Variants in ADGRL3 observed in about 807,000 individuals in gnomAD.
The protein encoded by ADGRL3 is adhesion G protein-coupled receptor L3, also known as calcium-independent alpha-latrotoxin receptor 3.
In ADGRL3, 62 loss-of-function variants were observed where a neutral mutation model predicts 153.5. The ratio of observed to expected loss-of-function variants is 0.40; its 90% CI spans 0.33 to 0.50. The LOEUF (loss-of-function observed/expected upper bound fraction) is 0.50, where lower values mean the gene tolerates loss of function less well. Ranked by LOEUF, ADGRL3 falls within the 20% of genes least tolerant of loss-of-function variation. ADGRL3 has a pLI of 0.47. For missense variants in ADGRL3, 1,641 were observed against 1,859.4 expected (o/e 0.88, Z 2.16); for synonymous variants, 710 against 672.5 (o/e 1.06, Z -0.86).
chr4:61,645,691 C>T (rs536445064), intron 5 of ADGRL3, among the ~76,000 whole-genome samples: 168 of 152,044 alleles, frequency 1.1e-3, no homozygotes, highest in African/African-American at 3.9e-3. Flanking sequence ...GAGGGTAACC[C>T]GACCTTTCTC....
intron 1 of ADGRL3, among the ~76,000 whole-genome samples, chr4:61,263,361 C>T (rs1279043489): frequency 6.6e-6 from 1 of 150,986 alleles, no homozygotes; most frequent in East Asian, 2.0e-4. Context: ...TTAGGCTATT[C>T]CTAATGGGGA....
In ADGRL3 at chr4:61,468,565, T is replaced by A. The variant is rs190622165; in HGVS notation, c.-173-28556T>A. Among the ~76,000 whole-genome samples the A allele has an allele frequency of 2.5e-3, 381 of 152,326 alleles. 2 individuals are homozygous for A. The highest frequency in any genetic ancestry group is 3.9e-3 in the Non-Finnish European group (265 of 68,026). On this transcript the variant is annotated intron_variant, in intron 2 of 26. Coordinates refer to ENST00000683033, the MANE Select transcript of ADGRL3 (RefSeq NM_001387552.1). Reference sequence around the variant, plus strand: ...TTAACCTCAAACGAGTTAAAAATTCTTTCCCTTTGTCCAAAATAATAGCAT... The same window carrying A: ...TTAACCTCAAACGAGTTAAAAATTCATTCCCTTTGTCCAAAATAATAGCAT...
intron 1 of ADGRL3, among the ~76,000 whole-genome samples, chr4:61,246,711 T>G (rs1203074641): frequency 1.3e-5 from 2 of 151,784 alleles, no homozygotes; most frequent in African/African-American, 2.4e-5. Context: ...CCTTTTCCTA[T>G]ATATTAACCA....
intron 18 of ADGRL3, among the ~76,000 whole-genome samples, chr4:61,982,970 A>G (rs2099073528): frequency 6.6e-6 from 1 of 152,138 alleles, no homozygotes; most frequent in African/African-American, 2.4e-5. Context: ...TCTTTCACTG[A>G]CTATTGAAGA....
intron 1 of ADGRL3, among the ~76,000 whole-genome samples, chr4:61,203,236 T>C (rs183332661): frequency 5.9e-5 from 9 of 152,348 alleles, no homozygotes; most frequent in African/African-American, 2.2e-4. Flanking sequence ...CTTTTATTTA[T>C]GGCCAGAGAT....
intron 4 of ADGRL3, among the ~76,000 whole-genome samples, chr4:61,558,605 CATCT>C (rs748263307): frequency 9.2e-5 from 14 of 151,684 alleles, no homozygotes; most frequent in South Asian, 2.1e-4. Context: ...ATCATCTATC[CATCT>C]ATCTATCAAT....
intron 8 of ADGRL3, among the ~76,000 whole-genome samples, chr4:61,792,039 G>C (rs1421331579): frequency 2.6e-5 from 4 of 152,202 alleles, no homozygotes; most frequent in Non-Finnish European, 5.9e-5. Context: ...TTGTCTTGGG[G>C]ATTAACATTC....
intron 5 of ADGRL3, among the ~76,000 whole-genome samples, chr4:61,675,051 C>T (rs1319909948): frequency 1.3e-5 from 2 of 151,898 alleles, no homozygotes; most frequent in African/African-American, 4.8e-5. Flanking sequence ...CTTTTATTCA[C>T]CTTTCACTGA....
At chr4:61,635,794 T>C (rs1358332731) in intron 5 of ADGRL3, among the ~76,000 whole-genome samples, 1 of 152,040 alleles carries the variant, frequency 6.6e-6, no homozygotes, top group Non-Finnish European at 1.5e-5. Context: ...TGAAATCTCT[T>C]TCCTTGGCTT....
intron 1 of ADGRL3, among the ~76,000 whole-genome samples, chr4:61,370,574 A>T (rs1432295675): frequency 9.2e-5 from 14 of 152,124 alleles, no homozygotes; most frequent in Non-Finnish European, 2.1e-4. Flanking sequence ...TTCTAGTTTG[A>T]TTGCACTGTG....
At chr4:61,361,364 T>G (rs1205564663) in intron 1 of ADGRL3, among the ~76,000 whole-genome samples, 1 of 152,314 alleles carries the variant, frequency 6.6e-6, no homozygotes, top group Admixed American at 6.5e-5. Context: ...TGTCTCAGAT[T>G]GCATGACTGT....
At chr4:61,896,552 C>A (rs2098632645) in intron 11 of ADGRL3, among the ~76,000 whole-genome samples, 1 of 152,088 alleles carries the variant, frequency 6.6e-6, no homozygotes, top group Non-Finnish European at 1.5e-5. Flanking sequence ...TTACTAAAAG[C>A]CTGCCTGTGC....
At chr4:62,044,733 A>G (rs1730192226) in intron 25 of ADGRL3, among the ~76,000 whole-genome samples, 184 bp downstream of exon 25, 1 of 152,018 alleles carries the variant, frequency 6.6e-6, no homozygotes, top group South Asian at 2.1e-4. Flanking sequence ...AAAATCCTGA[A>G]TTTTCCAGAA....
intron 9 of ADGRL3, among the ~76,000 whole-genome samples, chr4:61,886,071 A>G (rs1000895877): frequency 1.3e-5 from 2 of 152,202 alleles, no homozygotes; most frequent in Non-Finnish European, 2.9e-5. Flanking sequence ...AATGGATCCA[A>G]TTACAAAAAT....
chr4:61,653,068 G>A (rs114850668), intron 5 of ADGRL3, among the ~76,000 whole-genome samples: 7,786 of 151,624 alleles, frequency 0.051, 278 homozygotes, highest in Non-Finnish European at 0.075. Context: ...GTTAAATGAG[G>A]TCATAAGGGC....
chr4:61,518,913 T>G (rs1174543749), intron 4 of ADGRL3, among the ~76,000 whole-genome samples: 1 of 152,216 alleles, frequency 6.6e-6, no homozygotes, highest in Admixed American at 6.5e-5. Flanking sequence ...TGGATGGGCT[T>G]TTATTATTCC....
chr4:61,923,004 G>A (rs921413519), intron 13 of ADGRL3, among the ~76,000 whole-genome samples: 2 of 152,154 alleles, frequency 1.3e-5, no homozygotes, highest in Non-Finnish European at 2.9e-5. Flanking sequence ...GGAAGTGATA[G>A]GCAATTCAGC....
chr4:61,421,114 C>G (rs1002384645), intron 2 of ADGRL3, among the ~76,000 whole-genome samples: 1 of 152,094 alleles, frequency 6.6e-6, no homozygotes, highest in Admixed American at 6.5e-5. Flanking sequence ...GTGGGCGGAT[C>G]ACGAGGTCAG....
rs574146839 is a variant in ADGRL3 at position 61,340,297 on chromosome 4, C to T, written c.-239-42827C>T. Among the ~76,000 whole-genome samples, 9 of 152,288 alleles carry T rather than the reference C, an allele frequency of 5.9e-5. No individual in the cohort carries two copies. The South Asian group carries it at 1.9e-3, about 32-fold the overall frequency. On this transcript the variant is annotated intron_variant, in intron 1 of 26. Transcript: ENST00000683033. ...AAGCCCAGTCCAAAATATCACGCTT[C>T]TCAGTGAATTTGTTCTCTCGTTTCC...
Sources: gnomAD v4.1 joint callset for allele counts (sites outside exome capture counted in the v4.1 genomes callset) on GRCh38, gnomAD v4.1.1 for gene constraint, MANE v1.5 for transcripts, NCBI Gene and HGNC (gene_info 2026-07-23, HGNC 2026-07-21) for gene names.